ERI3: variants seen among roughly 807,000 people sequenced by gnomAD.
ERI3 encodes ERI1 exoribonuclease 3.
Under a neutral mutation model 44.4 loss-of-function variants are expected in ERI3, and 18 were observed. The observed-to-expected ratio is 0.41, with a 90% CI of 0.28 to 0.60. ERI3 has a LOEUF of 0.60. Among genes scored for constraint, ERI3 ranks in the 20% least tolerant of loss-of-function variants. ERI3 has a pLI of 0.36. For synonymous variants in ERI3, 183 were observed against 164.8 expected, an observed-to-expected ratio of 1.11 and a Z score of -0.84; for missense variants, 294 against 435.5, an observed-to-expected ratio of 0.68 and a Z score of 2.89.
rs1645358755 is a variant in ERI3 at position 44,284,829 on chromosome 1, C to T, written c.831+6G>A. ...GAAGCACCCAGTTGGGGCTCAGACA[C>T]AGTACCTTTTTCAGATTAATCCACT... On this transcript the variant is annotated splice_donor_region_variant and intron_variant, in intron 7 of 8. Transcript: ENST00000372257. 6.2e-7 allele frequency: 1 copy of T among 1,613,482 alleles called. No homozygotes were observed. Among genetic ancestry groups the T allele is most frequent in the Non-Finnish European group, 8.5e-7 (1 of 1,179,558 alleles).
chr1:44,322,574 C>A (rs1213318577), intron 3 of ERI3: 3 of 1,050,262 alleles, frequency 2.9e-6, no homozygotes, highest in Non-Finnish European at 2.6e-6. Context: ...TTTGCAGGGG[C>A]CCTTCCTCCA....
intron 6 of ERI3, among the ~76,000 whole-genome samples, chr1:44,303,560 A>G (rs539210810): frequency 1.3e-5 from 2 of 152,320 alleles, no homozygotes; most frequent in East Asian, 3.9e-4. Flanking sequence ...TCACAGCACC[A>G]TTTTATGTAT....
At chr1:44,282,497 T>G (rs189984348) in intron 7 of ERI3, among the ~76,000 whole-genome samples, 1 of 152,224 alleles carries the variant, frequency 6.6e-6, no homozygotes, top group Non-Finnish European at 1.5e-5. Flanking sequence ...ATGACCTCTC[T>G]GGCTTTGCTT....
intron 6 of ERI3, among the ~76,000 whole-genome samples, chr1:44,308,059 G>A (rs1317471569): frequency 2.6e-5 from 4 of 152,174 alleles, no homozygotes; most frequent in African/African-American, 7.2e-5. Context: ...GCAATCGGAA[G>A]GGCTGTCATG....
intron 2 of ERI3, among the ~76,000 whole-genome samples, chr1:44,348,423 C>G (rs781022402): frequency 6.6e-6 from 1 of 152,210 alleles, no homozygotes; most frequent in Non-Finnish European, 1.5e-5. Flanking sequence ...AGGGTCTGAA[C>G]AGGCATACTA....
chr1:44,284,958 T>G, intron 6 of ERI3, 51 bp from the exon 7 acceptor site: 1 of 1,494,608 alleles, frequency 6.7e-7, no homozygotes, highest in Non-Finnish European at 9.3e-7. Context: ...ATGTCCCAGG[T>G]ATGAAGTCTT....
At chr1:44,341,133 T>C (rs768950834) in intron 2 of ERI3, among the ~76,000 whole-genome samples, 13 of 152,242 alleles carry the variant, frequency 8.5e-5, no homozygotes, top group Non-Finnish European at 1.8e-4. Flanking sequence ...TACCAAATAC[T>C]ATAAGCAATT....
intron 3 of ERI3, among the ~76,000 whole-genome samples, chr1:44,321,506 G>A (rs1251026703): frequency 6.6e-6 from 1 of 152,078 alleles, no homozygotes; most frequent in Non-Finnish European, 1.5e-5. Context: ...TGGGGGTTTG[G>A]AACTGAATAA....
intron 2 of ERI3, 22 bp downstream of exon 2, chr1:44,352,828 G>A (rs751054368): frequency 3.7e-6 from 6 of 1,613,712 alleles, no homozygotes; most frequent in Admixed American, 3.3e-5. Flanking sequence ...AGCCAGACTT[G>A]ACCATGCAAC....
chr1:44,326,370 C>G (rs970477634), intron 3 of ERI3, among the ~76,000 whole-genome samples: 2 of 152,120 alleles, frequency 1.3e-5, no homozygotes, highest in Non-Finnish European at 2.9e-5. Context: ...GAGGGCTACA[C>G]TGGGCAATGG....
At chr1:44,292,025 A>C (rs1645517290) in intron 6 of ERI3, among the ~76,000 whole-genome samples, 1 of 152,208 alleles carries the variant, frequency 6.6e-6, no homozygotes, top group Non-Finnish European at 1.5e-5. Flanking sequence ...GTGAGGGTTA[A>C]AGGAGCCAAC....
At chr1:44,346,180 C>G (rs1470267433) in intron 2 of ERI3, among the ~76,000 whole-genome samples, 1 of 152,256 alleles carries the variant, frequency 6.6e-6, no homozygotes, top group Admixed American at 6.5e-5. Context: ...GTAGCTACAG[C>G]TGCTTCTGCT....
At chr1:44,332,793 G>A (rs532525586) in intron 3 of ERI3, among the ~76,000 whole-genome samples, 2 of 152,312 alleles carry the variant, frequency 1.3e-5, no homozygotes, top group South Asian at 4.1e-4. Flanking sequence ...TCCTTATGAG[G>A]GACCACCAGG....
In ERI3 at chr1:44,247,830, T is replaced by G; in HGVS notation, c.931+109A>C. The G allele has an allele frequency of 5.3e-6, 4 of 760,572 alleles. No individual in the cohort carries two copies. In the East Asian group the frequency reaches 1.0e-4, roughly 19 times the overall value. The allele number at this position is 760,572 out of a possible 1,614,324, so 47.1% of individuals were successfully genotyped here. ...ATCCCCCCACCTATGTAGAGAGCCC[T>G]GTTGGGGCACTGAATGAGCCATGGA... On this transcript the variant is annotated intron_variant, in intron 8 of 8. Transcript: ENST00000372257.
intron 7 of ERI3, among the ~76,000 whole-genome samples, chr1:44,274,151 G>A (rs1645137387): frequency 6.6e-6 from 1 of 152,142 alleles, no homozygotes; most frequent in African/African-American, 2.4e-5. Flanking sequence ...CTCACTCTGG[G>A]CTATTATTCA....
chr1:44,267,129 G>A (rs557222243), intron 7 of ERI3, among the ~76,000 whole-genome samples: 10 of 152,340 alleles, frequency 6.6e-5, no homozygotes, highest in Admixed American at 6.5e-4. Flanking sequence ...GGGTGGGAAT[G>A]AGAGACCATT....
At chr1:44,343,974 C>G (rs1478268403) in intron 2 of ERI3, among the ~76,000 whole-genome samples, 1 of 151,974 alleles carries the variant, frequency 6.6e-6, no homozygotes, top group Non-Finnish European at 1.5e-5. Flanking sequence ...TGGGGTGGCT[C>G]ACATCTGTAA....
chr1:44,290,854 G>A (rs1038272029), intron 6 of ERI3, among the ~76,000 whole-genome samples: 3 of 152,078 alleles, frequency 2.0e-5, no homozygotes, highest in Admixed American at 1.3e-4. Context: ...CCCCCACTAC[G>A]CAGGGCATCA....
intron 3 of ERI3, among the ~76,000 whole-genome samples, chr1:44,329,120 C>T (rs772271212): frequency 1.8e-4 from 27 of 152,216 alleles, no homozygotes; most frequent in Non-Finnish European, 3.2e-4. Context: ...AAACCTTCCT[C>T]TGTCCAGATG....
Sources: allele counts gnomAD v4.1 joint callset (sites outside exome capture counted in the v4.1 genomes callset), GRCh38; gene constraint gnomAD v4.1.1; transcripts MANE v1.5; gene names NCBI Gene and HGNC (gene_info 2026-07-23, HGNC 2026-07-21).